SLC4A3: variants seen among roughly 807,000 people sequenced by gnomAD.
SLC4A3 encodes solute carrier family 4 member 3.
In SLC4A3, 47 loss-of-function variants were observed where a neutral mutation model predicts 114.2. The ratio of observed to expected loss-of-function variants is 0.41; its 90% CI spans 0.33 to 0.52. SLC4A3 has a LOEUF of 0.52. Ranked by LOEUF, SLC4A3 falls within the 20% of genes least tolerant of loss-of-function variation. SLC4A3 has a pLI of 0.21. For missense variants in SLC4A3, 1,312 were observed against 1,668.3 expected, an observed-to-expected ratio of 0.79 and a Z score of 3.72; for synonymous variants, 693 against 710.3, an observed-to-expected ratio of 0.98 and a Z score of 0.39.
intron 4 of SLC4A3, 22 bp from the exon 5 acceptor site, chr2:219,629,558 A>G: frequency 6.3e-7 from 1 of 1,596,956 alleles, no homozygotes; most frequent in Non-Finnish European, 8.6e-7. Flanking sequence ...GCAAGGCCCC[A>G]GGGCACATTC....
At position 219,628,585 on chromosome 2, in the gene SLC4A3, G is replaced by A; in HGVS notation, c.217+15G>A. 2 of 1,610,098 alleles carry A rather than the reference G, an allele frequency of 1.2e-6. No individual in the cohort carries two copies. Among genetic ancestry groups the A allele is most frequent in the Non-Finnish European group, 1.7e-6 (2 of 1,178,978 alleles). ...GGACTTTGAGTGTGGGTAGCCTGGG[G>A]ACCCCTAGTGCGGCCGCCCTCGCCA... On this transcript the variant is annotated intron_variant, in intron 3 of 22. Coordinates refer to ENST00000358055, the MANE Select transcript of SLC4A3 (RefSeq NM_005070.4). The surrounding 1 kb of genome is among the most constrained non-coding windows in gnomAD (Gnocchi z 4.8).
rs369060545 is a variant in SLC4A3, at chr2:219,629,598, G to C, written c.514G>C (p.Glu172Gln). ...QKAKFSIGSD[E>Q]DDSPGLPGRA... Reference sequence around the variant, plus strand: ...TCTGCAGTTCTCCATTGGAAGTGACGAGGATGACAGTCCAGGCCTCCCTGG... The same window carrying C: ...TCTGCAGTTCTCCATTGGAAGTGACCAGGATGACAGTCCAGGCCTCCCTGG... Residue 172 changes from glutamate to glutamine, a missense_variant, in exon 5 of 23, where the codon GAG becomes CAG. Glu to Gln is a conservative substitution (Grantham distance 29). Around this residue, in one of 4 missense-constraint regions of SLC4A3, gnomAD observed 771 missense variants for 977.7 expected, o/e 0.79. Coordinates refer to ENST00000358055, the MANE Select transcript of SLC4A3 (RefSeq NM_005070.4). 6.2e-7 allele frequency: 1 copy of C among 1,612,768 alleles called. No individual in the cohort carries two copies. Among genetic ancestry groups the C allele is most frequent in the Non-Finnish European group, 8.5e-7 (1 of 1,179,410 alleles).
Position 219,638,316 on chromosome 2 carries a change from C to A in SLC4A3, c.2856+63C>A. 1 of 1,276,600 alleles carries A rather than the reference C, an allele frequency of 7.8e-7. No individual in the cohort carries two copies. The highest frequency in any genetic ancestry group is 1.1e-6 in the Non-Finnish European group (1 of 890,476). The allele number at this position is 1,276,600 out of a possible 1,614,324, so 79.1% of individuals were successfully genotyped here. A position where few individuals can be genotyped will look rare whatever the true frequency, so the allele number is the denominator to read the frequency against. ...CCAGGCCAGGAGAGGGAGCCCACAA[C>A]ACACTTCCATGGGCCCTGGGATTGG... On this transcript the variant is annotated intron_variant, in intron 18 of 22. Coordinates refer to ENST00000358055, the MANE Select transcript of SLC4A3 (RefSeq NM_005070.4). This position sits in a 1 kb window ranked among gnomAD's most constrained non-coding sequence, Gnocchi z 7.5.
chr2:219,632,098 G>A lies in SLC4A3; in HGVS notation c.942G>A (p.Leu314=), dbSNP rs1698943990. 6.2e-7 allele frequency: 1 copy of A among 1,613,682 alleles called. No homozygotes were observed. Among genetic ancestry groups the A allele is most frequent in the Non-Finnish European group, 8.5e-7 (1 of 1,179,980 alleles). Residue 314 remains leucine (L), a synonymous_variant, in exon 7 of 23, where the codon CTG becomes CTA. Transcript: ENST00000358055. ...ILRRKKKKKK[L]DRRPHEVFVE... is the part of the protein sequence containing the mutation. ...GCAGGAAGAAGAAGAAGAAAAAGCT[G>A]GACCGGAGGCCTCATGAGGTCAGGA...
At position 219,631,226 on chromosome 2, in the gene SLC4A3, G is replaced by A. The variant is rs778575063; in HGVS notation, c.812-742G>A. 19 of 1,242,854 alleles carry A rather than the reference G, an allele frequency of 1.5e-5. No individual in the cohort carries two copies. Among genetic ancestry groups the A allele is most frequent in the East Asian group, 5.8e-5 (1 of 17,282 alleles). The allele number at this position is 1,242,854 out of a possible 1,614,324, so 77.0% of individuals were successfully genotyped here. On this transcript the variant is annotated intron_variant, in intron 6 of 22. Coordinates refer to ENST00000358055, the MANE Select transcript of SLC4A3 (RefSeq NM_005070.4). This position sits in a 1 kb window ranked among gnomAD's most constrained non-coding sequence, Gnocchi z 6.3. ...GGTAGGGAGCGGAGGCCGAGGTCTC[G>A]GCCACCGGGAGAATGACGAGCCCAC...
chr2:219,636,767 G>A lies in SLC4A3; in HGVS notation c.2428G>A (p.Ala810Thr), dbSNP rs757973768. 5.0e-6 allele frequency: 8 copies of A among 1,613,868 alleles called. No homozygotes were observed. The highest frequency in any genetic ancestry group is 4.4e-5 in the South Asian group (4 of 91,082). The change falls in exon 16 of 23, where the codon GCC becomes ACC. Residue 810 changes from alanine (A) to threonine (T), a missense_variant. By Grantham distance (58) the Ala-to-Thr change is moderately conservative (BLOSUM62 0). Around this residue, in one of 4 missense-constraint regions of SLC4A3, gnomAD observed 771 missense variants for 977.7 expected, o/e 0.79. Transcript: ENST00000358055. The surrounding 1 kb of genome is among the most constrained non-coding windows in gnomAD (Gnocchi z 5.5). ...GGTCTTCGTCCTTGCCCTGGTGGCC[G>A]CCGAAGGCAGCTTCCTGGTCCGCTA... is the stretch of plus-strand genomic sequence containing the variant. The part of the protein sequence containing the change: ...LVVFVLALVA[A>T]EGSFLVRYIS...
chr2:219,635,896 G>T lies in SLC4A3; in HGVS notation c.2191+5G>T. The stretch of plus-strand genomic sequence containing the variant: ...TCACCTTCGGGGGGCTGCTGGGTAA[G>T]GGACTGGGGCTTGGGGAGTTGAGGG... On this transcript the variant is annotated splice_donor_5th_base_variant and intron_variant, in intron 14 of 22. Transcript: ENST00000358055. 6.7e-7 allele frequency: 1 copy of T among 1,498,676 alleles called. No individual in the cohort carries two copies. The highest frequency in any genetic ancestry group is 8.9e-7 in the Non-Finnish European group (1 of 1,127,784). 92.8% of individuals were successfully genotyped at this position (1,498,676 alleles called of 1,614,324 possible). A position where few individuals can be genotyped will look rare whatever the true frequency, so the allele number is the denominator to read the frequency against.
rs1250585204 is a variant in SLC4A3, at chr2:219,632,764, G to A, written c.1142-110G>A. ...GTGTATCCATCTGGGTACATTGGGC[G>A]CTTTGCCCTTCCAGCACATTCGCAT... On this transcript the variant is annotated intron_variant, in intron 8 of 22. Coordinates refer to ENST00000358055, the MANE Select transcript of SLC4A3 (RefSeq NM_005070.4). The A allele has an allele frequency of 5.7e-6, 8 of 1,399,100 alleles. No individual in the cohort carries two copies. In the East Asian group the frequency reaches 7.0e-5, roughly 12 times the overall value. The allele number at this position is 1,399,100 out of a possible 1,614,324, so 86.7% of individuals were successfully genotyped here.
rs1699318109 is a variant in SLC4A3, at chr2:219,641,267, G to A, written c.3621+305G>A. Among the ~76,000 whole-genome samples the A allele has an allele frequency of 6.6e-6, 1 of 152,140 alleles. No individual in the cohort carries two copies. The highest frequency in any genetic ancestry group is 2.1e-4 in the South Asian group (1 of 4,822). ...AGGTGGTGCCTGACCAAAAACACCC[G>A]GCTGAGAGGCTACAGGGTTGATGTG... On this transcript the variant is annotated intron_variant, in intron 22 of 22. Coordinates refer to ENST00000358055, the MANE Select transcript of SLC4A3 (RefSeq NM_005070.4). This position sits in a 1 kb window ranked among gnomAD's most constrained non-coding sequence, Gnocchi z 4.0.
chr2:219,631,233 G>A lies in SLC4A3; in HGVS notation c.812-735G>A, dbSNP rs1287155168. ...AGCGGAGGCCGAGGTCTCGGCCACCGGGAGAATGACGAGCCCACTGGAGAA... is the reference window on the plus strand; with the variant it reads ...AGCGGAGGCCGAGGTCTCGGCCACCAGGAGAATGACGAGCCCACTGGAGAA... On this transcript the variant is annotated intron_variant, in intron 6 of 22. Transcript: ENST00000358055. This position sits in a 1 kb window ranked among gnomAD's most constrained non-coding sequence, Gnocchi z 6.3. 3.2e-6 allele frequency: 4 copies of A among 1,252,660 alleles called. No homozygotes were observed. The highest frequency in any genetic ancestry group is 2.4e-4 in the Middle Eastern group (1 of 4,246). 77.6% of individuals were successfully genotyped at this position (1,252,660 alleles called of 1,614,324 possible). A position where few individuals can be genotyped will look rare whatever the true frequency, so the allele number is the denominator to read the frequency against.
At position 219,635,383 on chromosome 2, in the gene SLC4A3, A is replaced by T; in HGVS notation, c.1859A>T (p.Asp620Val). 6.2e-7 allele frequency: 1 copy of T among 1,614,132 alleles called. No homozygotes were observed. Among genetic ancestry groups the T allele is most frequent in the South Asian group, 1.1e-5 (1 of 91,084 alleles). ...VIPPSEVEGR[D>V]LLRSVAAFQR... Reference sequence around the variant, plus strand: ...CCCCCGTCCGAGGTGGAGGGCCGTGACCTGCTGCGCTCCGTGGCTGCTTTC... The same window carrying T: ...CCCCCGTCCGAGGTGGAGGGCCGTGTCCTGCTGCGCTCCGTGGCTGCTTTC... Residue 620 changes from aspartate (D) to valine (V), a missense_variant, in exon 13 of 23, where the codon GAC becomes GTC. Around this residue, in one of 4 missense-constraint regions of SLC4A3, gnomAD observed 771 missense variants for 977.7 expected, o/e 0.79. Coordinates refer to ENST00000358055, the MANE Select transcript of SLC4A3 (RefSeq NM_005070.4).
Position 219,637,592 on chromosome 2 carries a change from G to T in SLC4A3, c.2547G>T (p.Glu849Asp). Residue 849 changes from glutamate to aspartate, a missense_variant, in exon 17 of 23, where the codon GAG (glutamate) becomes GAT (aspartate). Transcript: ENST00000358055. The surrounding 1 kb of genome is among the most constrained non-coding windows in gnomAD (Gnocchi z 4.6). The stretch of plus-strand genomic sequence containing the variant: ...TTATCCACACACAGGTGTTCACAGA[G>T]CACCCACTGCTGCCGTTCTACCCCC... ...TFYKLYKVFT[E>D]HPLLPFYPPE... The T allele has an allele frequency of 6.3e-7, 1 of 1,583,690 alleles. No homozygotes were observed. Among genetic ancestry groups the T allele is most frequent in the Non-Finnish European group, 8.6e-7 (1 of 1,159,754 alleles).
chr2:219,635,944 C>T, intron 14 of SLC4A3, 53 bp downstream of exon 14: 2 of 1,363,830 alleles, frequency 1.5e-6, no homozygotes, highest in Non-Finnish European at 1.9e-6. Flanking sequence ...ACTTCTGGTC[C>T]CAGTGTCACT....
At position 219,629,312 on chromosome 2, in the gene SLC4A3, A is replaced by T; in HGVS notation, c.386A>T (p.Glu129Val). The T allele has an allele frequency of 6.2e-7, 1 of 1,613,016 alleles. No individual in the cohort carries two copies. The highest frequency in any genetic ancestry group is 1.7e-4 in the Middle Eastern group (1 of 6,054). The change falls in exon 4 of 23, where the codon GAG (glutamate) becomes GTG (valine). Residue 129 changes from glutamate (E) to valine (V), a missense_variant. Transcript: ENST00000358055. ...PSEGTPPIQE[E>V]GGAGVDEEEE... ...GAGGGGACCCCTCCCATCCAGGAGG[A>T]GGGGGGAGCTGGAGTGGATGAGGAA...
rs1175939842 is a variant in SLC4A3 at position 219,641,148 on chromosome 2, G to A, written c.3621+186G>A. 6.6e-6 allele frequency among the ~76,000 whole-genome samples: 1 copy of A among 152,258 alleles called. No individual in the cohort carries two copies. Among genetic ancestry groups the A allele is most frequent in the East Asian group, 1.9e-4 (1 of 5,172 alleles). ...GGTGATCATAGACCCTACCTTATAG[G>A]ACTGTTGGGAGGGTCAAGTGCTAGT... On this transcript the variant is annotated intron_variant, in intron 22 of 22. Transcript: ENST00000358055. The surrounding 1 kb of genome is among the most constrained non-coding windows in gnomAD (Gnocchi z 4.0).
In SLC4A3 at chr2:219,636,229, T is replaced by C. The variant is rs1574654098; in HGVS notation, c.2192-73T>C. The C allele has an allele frequency of 6.3e-7, 1 of 1,586,982 alleles. No individual in the cohort carries two copies. The highest frequency in any genetic ancestry group is 8.6e-7 in the Non-Finnish European group (1 of 1,165,806). Reference sequence around the variant, plus strand: ...TCTGCTTTTGTTGGGGGCCCCAGTTTAGGACAAGCTAGATGAAGAAGGGGG... The same window carrying C: ...TCTGCTTTTGTTGGGGGCCCCAGTTCAGGACAAGCTAGATGAAGAAGGGGG... On this transcript the variant is annotated intron_variant, in intron 14 of 22. Coordinates refer to ENST00000358055, the MANE Select transcript of SLC4A3 (RefSeq NM_005070.4). This position sits in a 1 kb window ranked among gnomAD's most constrained non-coding sequence, Gnocchi z 5.5.
chr2:219,640,725 C>T (rs948858283), intron 21 of SLC4A3, 64 bp from the exon 22 acceptor site: 91 of 1,579,142 alleles, frequency 5.8e-5, no homozygotes, highest in South Asian at 2.9e-4. Flanking sequence ...AAATTCCCCA[C>T]GATGTGGGTG....
At position 219,641,903 on chromosome 2, in the gene SLC4A3, C is replaced by T. The variant is rs966273880; in HGVS notation, c.*175C>T. 26 of 591,252 alleles carry T rather than the reference C, an allele frequency of 4.4e-5. No individual in the cohort carries two copies. Among genetic ancestry groups the T allele is most frequent in the African/African-American group, 1.5e-4 (8 of 53,556 alleles). 36.6% of individuals were successfully genotyped at this position (591,252 alleles called of 1,614,324 possible). A position where few individuals can be genotyped will look rare whatever the true frequency, so the allele number is the denominator to read the frequency against. ...TGACTTCTGCCCGGGGTGTTGACCTCGCCTCACCTTTCACAGACCAGACCG... is the reference window on the plus strand; with the variant it reads ...TGACTTCTGCCCGGGGTGTTGACCTTGCCTCACCTTTCACAGACCAGACCG... On this transcript the variant is annotated 3_prime_UTR_variant, in exon 23 of 23. Coordinates refer to ENST00000358055, the MANE Select transcript of SLC4A3 (RefSeq NM_005070.4). The surrounding 1 kb of genome is among the most constrained non-coding windows in gnomAD (Gnocchi z 4.0).
Position 219,630,290 on chromosome 2 carries a change from AG to A in SLC4A3, c.751del (p.Val251CysfsTer19). On this transcript the variant is annotated frameshift_variant, in exon 6 of 23. Transcript: ENST00000358055. LOFTEE classifies it high-confidence loss of function. This position sits in a 1 kb window ranked among gnomAD's most constrained non-coding sequence, Gnocchi z 6.9. ...ALGNPGGPEQQVPTDEAEAQM... is the reference protein window; with the variant it reads ...ALGNPGGPEQXVPTDEAEAQM... ...GGCAACCCAGGTGGTCCAGAGCAGC[AG>A]GTGCCCACAGATGAGGCGGAGGCCC... 1 of 1,613,246 alleles carries A rather than the reference AG, an allele frequency of 6.2e-7. No homozygotes were observed. The highest frequency in any genetic ancestry group is 8.5e-7 in the Non-Finnish European group (1 of 1,179,800).
Sources: allele counts gnomAD v4.1 joint callset (sites outside exome capture counted in the v4.1 genomes callset), GRCh38; gene constraint gnomAD v4.1.1; regional missense constraint gnomAD v4.1.1; non-coding constraint Gnocchi (gnomAD v3.1); transcripts MANE v1.5; gene names NCBI Gene and HGNC (gene_info 2026-07-23, HGNC 2026-07-21).